The following DAZAP1 variants were observed in gnomAD, a reference collection of about 807,000 sequenced individuals.
DAZAP1 encodes the protein DAZ-associated protein 1.
In DAZAP1, 6 loss-of-function variants were observed where a neutral mutation model predicts 60.1. The ratio of observed to expected loss-of-function variants is 0.10; its 90% CI spans 0.05 to 0.20. The LOEUF (loss-of-function observed/expected upper bound fraction) is 0.20, where lower values mean the gene tolerates loss of function less well. Ranked by LOEUF, DAZAP1 falls within the 10% of genes least tolerant of loss-of-function variation. DAZAP1 has a pLI of 1.00. For missense variants in DAZAP1, 366 were observed against 560.4 expected (o/e 0.65, Z 3.50); for synonymous variants, 235 against 215.9 (o/e 1.09, Z -0.78).
chr19:1,408,794 A>G (rs1569027130), intron 1 of DAZAP1, among the ~76,000 whole-genome samples: 1 of 152,206 alleles, frequency 6.6e-6, no homozygotes, highest in African/African-American at 2.4e-5. Context: ...GCTGTGCCCC[A>G]GGGCTCGGCG....
chr19:1,415,165 G>C lies in DAZAP1; in HGVS notation c.30-2335G>C, dbSNP rs577050712. 7.9e-5 allele frequency among the ~76,000 whole-genome samples: 12 copies of C among 152,110 alleles called. No homozygotes were observed. In the East Asian group the frequency reaches 2.3e-3, roughly 29 times the overall value. ...CCTTCCCCCTTAATACACAATTTTT[G>C]AAATTTAAATGAAGACCGAAACTGG... On this transcript the variant is annotated intron_variant, in intron 1 of 11. Coordinates refer to ENST00000233078, the MANE Select transcript of DAZAP1 (RefSeq NM_018959.4).
rs770644723 is a variant in DAZAP1 at position 1,418,349 on chromosome 19, G to A, written c.216G>A (p.Pro72=). Residue 72 remains proline, a synonymous_variant, in exon 3 of 12, where the codon CCG becomes CCA. Transcript: ENST00000233078. This position sits in a 1 kb window ranked among gnomAD's most constrained non-coding sequence, Gnocchi z 5.7. ...TGGGGACGGTGCTGGCCAGCAGACC[G>A]CACACGCTAGATGGCCGAAACGTAA... ...NCVGTVLASR[P]HTLDGRNIDP... 15 of 1,613,912 alleles carry A rather than the reference G, an allele frequency of 9.3e-6. No homozygotes were observed. Among genetic ancestry groups the A allele is most frequent in the Non-Finnish European group, 1.3e-5 (15 of 1,179,950 alleles).
At chr19:1,409,165 T>C (rs1281942713) in intron 1 of DAZAP1, among the ~76,000 whole-genome samples, 1 of 152,228 alleles carries the variant, frequency 6.6e-6, no homozygotes, top group Non-Finnish European at 1.5e-5. Flanking sequence ...TCCAGGCACT[T>C]TGACTTGGCA....
rs1847151993 is a variant in DAZAP1 at position 1,432,804 on chromosome 19, A to AGGGGAGAGG, written c.1048+116_1048+124dup. On this transcript the variant is annotated intron_variant, in intron 11 of 11. Transcript: ENST00000233078. The surrounding 1 kb of genome is among the most constrained non-coding windows in gnomAD (Gnocchi z 4.9). ...CTCCCCAGCCTTTACCTGGTGGGAA[A>AGGGGAGAGG]GGGGAGAGGGAGGAGAGGGGGGTGT... The AGGGGAGAGG allele has an allele frequency of 7.8e-7, 1 of 1,283,344 alleles. No homozygotes were observed. Among genetic ancestry groups the AGGGGAGAGG allele is most frequent in the African/African-American group, 1.5e-5 (1 of 66,840 alleles). 79.5% of individuals were successfully genotyped at this position (1,283,344 alleles called of 1,614,324 possible). A position where few individuals can be genotyped will look rare whatever the true frequency, so the allele number is the denominator to read the frequency against.
intron 1 of DAZAP1, among the ~76,000 whole-genome samples, chr19:1,408,120 G>T (rs1051897386): frequency 3.3e-5 from 5 of 151,680 alleles, no homozygotes; most frequent in African/African-American, 1.2e-4. Flanking sequence ...ACGGCAACCT[G>T]GGGGGGTGTC....
chr19:1,411,813 A>G (rs1259950712), intron 1 of DAZAP1, among the ~76,000 whole-genome samples: 1 of 152,186 alleles, frequency 6.6e-6, no homozygotes, highest in African/African-American at 2.4e-5. Context: ...CCCGCCCCGC[A>G]CAGAGGGCGC....
rs2083527430 is a variant in DAZAP1 at position 1,434,012 on chromosome 19, CCCACCTGTGCCCACGT to C, written c.1049-724_1049-709del. 1.7e-6 allele frequency: 1 copy of C among 603,630 alleles called. No homozygotes were observed. The highest frequency in any genetic ancestry group is 1.9e-5 in the African/African-American group (1 of 53,802). 37.4% of individuals were successfully genotyped at this position (603,630 alleles called of 1,614,324 possible). On this transcript the variant is annotated intron_variant, in intron 11 of 11. Transcript: ENST00000233078. The surrounding 1 kb of genome is among the most constrained non-coding windows in gnomAD (Gnocchi z 8.0). The stretch of plus-strand genomic sequence containing the variant: ...CAGGATCCCCCAGAGAGAGCCCACG[CCCACCTGTGCCCACGT>C]GCACCCGAATGGGAACCCAGAGGTC...
In DAZAP1 at chr19:1,430,254, G is replaced by GCCCCCCCCCCCCCCC; in HGVS notation, c.770_771insCCCCCCCCCCCCCCC (p.Pro257_Pro261dup). ...TGGACCGCCCCCTGCAGGAAGAGGA[G>GCCCCCCCCCCCCCCC]CCCCCCCGCCACCCCCACCGTTCAC... On this transcript the variant is annotated inframe_insertion, in exon 10 of 12. Transcript: ENST00000233078. 7.7e-7 allele frequency: 1 copy of GCCCCCCCCCCCCCCC among 1,295,264 alleles called. No homozygotes were observed. The highest frequency in any genetic ancestry group is 1.1e-6 in the Non-Finnish European group (1 of 924,074). The allele number at this position is 1,295,264 out of a possible 1,614,324, so 80.2% of individuals were successfully genotyped here.
In DAZAP1 at chr19:1,432,757, C is replaced by T; in HGVS notation, c.1048+67C>T. The T allele has an allele frequency of 2.0e-6, 3 of 1,492,930 alleles. No homozygotes were observed. The highest frequency in any genetic ancestry group is 2.7e-6 in the Non-Finnish European group (3 of 1,106,342). 92.5% of individuals were successfully genotyped at this position (1,492,930 alleles called of 1,614,324 possible). On this transcript the variant is annotated intron_variant, in intron 11 of 11. Coordinates refer to ENST00000233078, the MANE Select transcript of DAZAP1 (RefSeq NM_018959.4). The surrounding 1 kb of genome is among the most constrained non-coding windows in gnomAD (Gnocchi z 4.9). ...GACCCTGGGCACGGCCTGCCTTCTT[C>T]TGCTTCCTCCCCTGCTGGACGCTCC...
In DAZAP1 at chr19:1,416,597, G is replaced by A. The variant is rs2082991847; in HGVS notation, c.30-903G>A. The A allele has an allele frequency of 6.6e-6, 1 of 152,324 alleles. No homozygotes were observed. Among genetic ancestry groups the A allele is most frequent in the South Asian group, 2.1e-4 (1 of 4,834 alleles). 9.4% of individuals were successfully genotyped at this position (152,324 alleles called of 1,614,324 possible). On this transcript the variant is annotated intron_variant, in intron 1 of 11. Transcript: ENST00000233078. The surrounding 1 kb of genome is among the most constrained non-coding windows in gnomAD (Gnocchi z 4.3). ...CTCAGACATGCCCAGTGGGTGCCAT[G>A]GCTGACTCAAGGTGGCACAGTCCCC...
Position 1,426,317 on chromosome 19 carries a change from C to T in DAZAP1, c.546+357C>T, listed in dbSNP as rs2144864868. The T allele has an allele frequency of 3.3e-6, 1 of 305,650 alleles. No individual in the cohort carries two copies. Among genetic ancestry groups the T allele is most frequent in the Admixed American group, 4.6e-5 (1 of 21,680 alleles). The allele number at this position is 305,650 out of a possible 1,614,324, so 18.9% of individuals were successfully genotyped here. A position where few individuals can be genotyped will look rare whatever the true frequency, so the allele number is the denominator to read the frequency against. ...TTTCCACGACCACTCCTTCAGATGTCTGCAAATCCCCATTGTCTGACACTG... is the reference window on the plus strand; with the variant it reads ...TTTCCACGACCACTCCTTCAGATGTTTGCAAATCCCCATTGTCTGACACTG... On this transcript the variant is annotated intron_variant, in intron 7 of 11. Transcript: ENST00000233078. This position sits in a 1 kb window ranked among gnomAD's most constrained non-coding sequence, Gnocchi z 5.4.
rs958295312 is a variant in DAZAP1 at position 1,422,582 on chromosome 19, C to T, written c.463+186C>T. The stretch of plus-strand genomic sequence containing the variant: ...CCCCATTCAGCCTGTCTGTGCTTCC[C>T]GAGGTCAGACGTCACACATTGTTTT... On this transcript the variant is annotated intron_variant, in intron 6 of 11. Transcript: ENST00000233078. This position sits in a 1 kb window ranked among gnomAD's most constrained non-coding sequence, Gnocchi z 4.5. Among the ~76,000 whole-genome samples the T allele has an allele frequency of 1.1e-4, 17 of 152,206 alleles. No individual in the cohort carries two copies. The highest frequency in any genetic ancestry group is 3.9e-4 in the African/African-American group (16 of 41,464).
chr19:1,429,042 C>T (rs1470652775), intron 8 of DAZAP1, 47 bp downstream of exon 8: 1 of 1,527,360 alleles, frequency 6.5e-7, no homozygotes, highest in African/African-American at 1.4e-5. Context: ...CCTTCTCGGA[C>T]TTGGCCCGCG....
At chr19:1,419,900 A>C (rs537890156) in intron 4 of DAZAP1, among the ~76,000 whole-genome samples, 46 of 133,534 alleles carry the variant, frequency 3.4e-4, no homozygotes, top group Middle Eastern at 4.6e-3. Flanking sequence ...GCACACACTC[A>C]TGAAACCATC....
intron 7 of DAZAP1, chr19:1,427,865 A>ACT (rs2083344097): frequency 6.6e-6 from 1 of 152,180 alleles, no homozygotes; most frequent in Non-Finnish European, 1.5e-5. Context: ...AGCTCTCCAG[A>ACT]CTGAGACCCC....
chr19:1,418,171 T>G lies in DAZAP1; in HGVS notation c.71-33T>G, dbSNP rs906960342. The G allele has an allele frequency of 6.2e-7, 1 of 1,612,212 alleles. No homozygotes were observed. The highest frequency in any genetic ancestry group is 1.7e-5 in the Admixed American group (1 of 59,976). On this transcript the variant is annotated intron_variant, in intron 2 of 11. Transcript: ENST00000233078. This position sits in a 1 kb window ranked among gnomAD's most constrained non-coding sequence, Gnocchi z 5.7. ...GCACGTGCCTAATGCTCTGGCCCTG[T>G]GTGTTTGTGTTTTCTTCCCGATTTC... is the stretch of plus-strand genomic sequence containing the variant.
At chr19:1,431,050 C>G (rs2083438621) in intron 10 of DAZAP1, among the ~76,000 whole-genome samples, 1 of 151,764 alleles carries the variant, frequency 6.6e-6, no homozygotes, top group Non-Finnish European at 1.5e-5. Context: ...ACTAATTTTC[C>G]TGTACACGTC....
chr19:1,418,601 T>C lies in DAZAP1; in HGVS notation c.238-65T>C. 6.3e-7 allele frequency: 1 copy of C among 1,599,866 alleles called. No homozygotes were observed. Among genetic ancestry groups the C allele is most frequent in the Non-Finnish European group, 8.6e-7 (1 of 1,167,342 alleles). On this transcript the variant is annotated intron_variant, in intron 3 of 11. Coordinates refer to ENST00000233078, the MANE Select transcript of DAZAP1 (RefSeq NM_018959.4). This position sits in a 1 kb window ranked among gnomAD's most constrained non-coding sequence, Gnocchi z 5.7. ...TGCTGTGCCGTGGCTGCTGTTGTGCTGACACCCTCTTTCCTAGAGAAACAG... is the reference window on the plus strand; with the variant it reads ...TGCTGTGCCGTGGCTGCTGTTGTGCCGACACCCTCTTTCCTAGAGAAACAG...
chr19:1,422,474 C>A lies in DAZAP1; in HGVS notation c.463+78C>A. ...GGCAAACTATCTCACCCGCCAGGCA[C>A]ACACAGGTGGCGGCTGTAGCAAACA... On this transcript the variant is annotated intron_variant, in intron 6 of 11. Transcript: ENST00000233078. This position sits in a 1 kb window ranked among gnomAD's most constrained non-coding sequence, Gnocchi z 4.5. The A allele has an allele frequency of 7.1e-7, 1 of 1,410,070 alleles. No homozygotes were observed. The highest frequency in any genetic ancestry group is 1.0e-6 in the Non-Finnish European group (1 of 1,000,694). 87.3% of individuals were successfully genotyped at this position (1,410,070 alleles called of 1,614,324 possible). A position where few individuals can be genotyped will look rare whatever the true frequency, so the allele number is the denominator to read the frequency against.
Sources: allele counts gnomAD v4.1 joint callset (sites outside exome capture counted in the v4.1 genomes callset), GRCh38; gene constraint gnomAD v4.1.1; non-coding constraint Gnocchi (gnomAD v3.1); transcripts MANE v1.5; gene names NCBI Gene and HGNC (gene_info 2026-07-23, HGNC 2026-07-21).